ACKR3: variants seen among roughly 807,000 people sequenced by gnomAD.
ACKR3 encodes the protein C-X-C chemokine receptor type 7.
In ACKR3, 6 loss-of-function variants were observed where a neutral mutation model predicts 22.4. The observed-to-expected ratio is 0.27, with a 90% CI of 0.15 to 0.53. ACKR3 has a LOEUF of 0.53. Ranked by LOEUF, ACKR3 falls within the 20% of genes least tolerant of loss-of-function variation. The pLI is 0.96. For missense variants in ACKR3, 396 were observed against 475.2 expected (o/e 0.83, Z 1.55); for synonymous variants, 209 against 205.2 (o/e 1.02, Z -0.16).
At chr2:236,571,915 A>G (rs1691319294) in intron 1 of ACKR3, among the ~76,000 whole-genome samples, 1 of 152,208 alleles carries the variant, frequency 6.6e-6, no homozygotes. Flanking sequence ...AAACCAGGCA[A>G]TCAAATAACT....
At position 236,582,048 on chromosome 2, in the gene ACKR3, T is replaced by C. The variant is rs1040509267; in HGVS notation, c.*494T>C. The C allele has an allele frequency of 6.1e-6, 1 of 164,462 alleles. No homozygotes were observed. The highest frequency in any genetic ancestry group is 2.4e-5 in the African/African-American group (1 of 41,120). The allele number at this position is 164,462 out of a possible 1,614,324, so 10.2% of individuals were successfully genotyped here. On this transcript the variant is annotated 3_prime_UTR_variant, in exon 2 of 2. Transcript: ENST00000272928. Reference sequence around the variant, plus strand: ...TTTGACTAAGGATGACACTAATTGTTAGCTGTTTTGAAATTATATATATAT... The same window carrying C: ...TTTGACTAAGGATGACACTAATTGTCAGCTGTTTTGAAATTATATATATAT...
the ACKR3 span, among the ~76,000 whole-genome samples, chr2:236,553,025 A>G: frequency 6.6e-6 from 1 of 152,196 alleles, no homozygotes; most frequent in Non-Finnish European, 1.5e-5. Context: ...TGACACTGGC[A>G]TTTTGTTTAT....
the ACKR3 span, among the ~76,000 whole-genome samples, chr2:236,559,756 G>A: frequency 5.3e-5 from 8 of 152,288 alleles, no homozygotes; most frequent in African/African-American, 1.7e-4. Context: ...CACCTCTAGA[G>A]ATGACTATTT....
the ACKR3 span, among the ~76,000 whole-genome samples, chr2:236,552,221 G>A: frequency 6.6e-6 from 1 of 152,214 alleles, no homozygotes; most frequent in African/African-American, 2.4e-5. Context: ...AAGGGAGGGA[G>A]ACCTTGCTGT....
rs192177591 is a variant in ACKR3 at position 236,571,813 on chromosome 2, A to G, written c.-27+1889A>G. On this transcript the variant is annotated intron_variant, in intron 1 of 1. Transcript: ENST00000272928. ...CTTAAGAGTAACCGAGGGGAAAGAA[A>G]AAGACCTCAAAGATTGCAAAACTTT... 8.1e-4 allele frequency among the ~76,000 whole-genome samples: 123 copies of G among 152,256 alleles called. 1 individual carries two copies. The highest frequency in any genetic ancestry group is 2.9e-3 in the African/African-American group (120 of 41,540).
chr2:236,571,659 C>T (rs978397438), intron 1 of ACKR3, among the ~76,000 whole-genome samples: 4 of 149,850 alleles, frequency 2.7e-5, no homozygotes, highest in African/African-American at 9.8e-5. Context: ...ACAAAAAACC[C>T]TGCTTAATCA....
the ACKR3 span, among the ~76,000 whole-genome samples, chr2:236,546,666 G>A: frequency 3.4e-4 from 52 of 152,296 alleles, no homozygotes; most frequent in South Asian, 7.9e-3. This position sits in a 1 kb window ranked among gnomAD's most constrained non-coding sequence, Gnocchi z 4.9. Flanking sequence ...CAGAGAGTGC[G>A]CAGAGCACCA....
At chr2:236,565,951 C>T (rs1691169641), upstream of ACKR3, among the ~76,000 whole-genome samples, 1 of 152,216 alleles carries the variant, frequency 6.6e-6, no homozygotes, top group Non-Finnish European at 1.5e-5. Context: ...CCCAGGGTCA[C>T]AACTCCAAGA....
the ACKR3 span, among the ~76,000 whole-genome samples, chr2:236,555,929 G>C: frequency 3.3e-5 from 5 of 152,138 alleles, no homozygotes; most frequent in Non-Finnish European, 7.3e-5. Flanking sequence ...TGTGAAGGAT[G>C]TTTAGGGACA....
intron 1 of ACKR3, among the ~76,000 whole-genome samples, chr2:236,579,565 C>T (rs1407599900): frequency 6.6e-6 from 1 of 152,186 alleles, no homozygotes; most frequent in African/African-American, 2.4e-5. Flanking sequence ...TTGGTCTCAC[C>T]TCAGGTCAGC....
At chr2:236,544,532 C>T in the ACKR3 span, among the ~76,000 whole-genome samples, 1,919 of 152,244 alleles carry the variant, frequency 0.013, 35 homozygotes, top group African/African-American at 0.042. The surrounding 1 kb of genome is among the most constrained non-coding windows in gnomAD (Gnocchi z 5.0). Context: ...CGAGCACAGG[C>T]CCTGCAAGGC....
the ACKR3 span, among the ~76,000 whole-genome samples, chr2:236,554,046 C>A: frequency 2.0e-5 from 3 of 152,164 alleles, no homozygotes; most frequent in Non-Finnish European, 4.4e-5. Context: ...ACTCACGAGC[C>A]TCAGGGCTGT....
the ACKR3 span, among the ~76,000 whole-genome samples, chr2:236,552,047 T>C: frequency 1.1e-3 from 161 of 152,354 alleles, no homozygotes; most frequent in African/African-American, 3.7e-3. Context: ...AACTGAAACC[T>C]GGTCTCTACC....
In ACKR3 at chr2:236,581,110, C is replaced by T. The variant is rs1229816157; in HGVS notation, c.645C>T (p.Val215=). The T allele has an allele frequency of 6.2e-7, 1 of 1,614,236 alleles. No homozygotes were observed. Among genetic ancestry groups the T allele is most frequent in the Non-Finnish European group, 8.5e-7 (1 of 1,180,046 alleles). Residue 215 remains valine (V), a synonymous_variant, in exon 2 of 2, where the codon GTC becomes GTT. Transcript: ENST00000272928. The surrounding 1 kb of genome is among the most constrained non-coding windows in gnomAD (Gnocchi z 4.4). ...AGTGGCTGATCGGCATGGAGCTGGT[C>T]TCCGTTGTCTTGGGCTTTGCCGTTC... is the stretch of plus-strand genomic sequence containing the variant. ...IKEWLIGMEL[V]SVVLGFAVPF... is the part of the protein sequence containing the mutation.
the ACKR3 span, among the ~76,000 whole-genome samples, chr2:236,555,083 C>T: frequency 6.6e-6 from 1 of 152,230 alleles, no homozygotes; most frequent in African/African-American, 2.4e-5. Flanking sequence ...CGGCAGGTGG[C>T]CTCCACTTCC....
chr2:236,552,554 G>A, the ACKR3 span, among the ~76,000 whole-genome samples: 3 of 152,114 alleles, frequency 2.0e-5, no homozygotes, highest in African/African-American at 7.2e-5. Context: ...TGGGAGGAGG[G>A]GAGAGAGATA....
At chr2:236,539,559 T>A in the ACKR3 span, among the ~76,000 whole-genome samples, 1 of 152,092 alleles carries the variant, frequency 6.6e-6, no homozygotes, top group Admixed American at 6.6e-5. Context: ...GTGATCCACC[T>A]GCCTCAGCCT....
chr2:236,581,605 A>G lies in ACKR3; in HGVS notation c.*51A>G. On this transcript the variant is annotated 3_prime_UTR_variant, in exon 2 of 2. Transcript: ENST00000272928. This position sits in a 1 kb window ranked among gnomAD's most constrained non-coding sequence, Gnocchi z 4.4. ...GGTTTACTTGTTTTTGAACAGGGTGATGGGCCCTATGGTTTTCTAGAGCAA... is the reference window on the plus strand; with the variant it reads ...GGTTTACTTGTTTTTGAACAGGGTGGTGGGCCCTATGGTTTTCTAGAGCAA... The G allele has an allele frequency of 1.9e-6, 3 of 1,554,994 alleles. No individual in the cohort carries two copies. The highest frequency in any genetic ancestry group is 2.5e-5 in the South Asian group (2 of 81,378).
At chr2:236,569,234 A>C (rs1691255078), upstream of ACKR3, among the ~76,000 whole-genome samples, 2 of 152,366 alleles carry the variant, frequency 1.3e-5, no homozygotes, top group Non-Finnish European at 2.9e-5. Context: ...AAAGTCCTTT[A>C]CAAATAAAAG....
Sources: allele counts gnomAD v4.1 joint callset (sites outside exome capture counted in the v4.1 genomes callset), GRCh38; gene constraint gnomAD v4.1.1; non-coding constraint Gnocchi (gnomAD v3.1); transcripts MANE v1.5; gene names NCBI Gene and HGNC (gene_info 2026-07-23, HGNC 2026-07-21).